The following BRI3BP variants were observed in gnomAD, a reference collection of about 807,000 sequenced individuals.
BRI3BP encodes BRI3-binding protein.
In BRI3BP, 7 loss-of-function variants were observed where a neutral mutation model predicts 15.8. The ratio of observed to expected loss-of-function variants is 0.44; its 90% confidence interval spans 0.25 to 0.83. BRI3BP has a LOEUF of 0.83. BRI3BP is among the 40% of genes least tolerant of loss of function. BRI3BP has a pLI of 0.20. For missense variants in BRI3BP, 320 were observed against 339.3 expected (o/e 0.94, Z 0.45); for synonymous variants, 192 against 163.5 (o/e 1.17, Z -1.33).
At chr12:125,012,883 G>A (rs188985299) in intron 2 of BRI3BP, among the ~76,000 whole-genome samples, 2 of 152,206 alleles carry the variant, frequency 1.3e-5, no homozygotes, top group African/African-American at 4.8e-5. Context: ...TTCAAGACCA[G>A]CCTGGGCAAC....
the BRI3BP span, among the ~76,000 whole-genome samples, chr12:125,049,775 C>T: frequency 6.6e-6 from 1 of 152,050 alleles, no homozygotes; most frequent in African/African-American, 2.4e-5. Flanking sequence ...CGATGTGGCC[C>T]AACTCTCTGC....
the BRI3BP span, among the ~76,000 whole-genome samples, chr12:125,036,472 T>C: frequency 1.3e-5 from 2 of 152,110 alleles, no homozygotes; most frequent in Non-Finnish European, 1.5e-5. Flanking sequence ...CTGCTCATCA[T>C]TGATTATATT....
intron 1 of BRI3BP, 60 bp downstream of exon 1, chr12:124,994,063 G>T: frequency 1.8e-6 from 2 of 1,118,946 alleles, no homozygotes; most frequent in Non-Finnish European, 2.2e-6. Flanking sequence ...CCTGGCTACC[G>T]GGGCCGACCT....
At chr12:125,002,705 C>T (rs930189338) in intron 1 of BRI3BP, among the ~76,000 whole-genome samples, 4 of 152,186 alleles carry the variant, frequency 2.6e-5, no homozygotes, top group Admixed American at 2.6e-4. Context: ...ATCCACTCAC[C>T]TTGGCCTCCC....
At chr12:125,013,273 A>G (rs1291908557) in intron 2 of BRI3BP, among the ~76,000 whole-genome samples, 2 of 152,188 alleles carry the variant, frequency 1.3e-5, no homozygotes, top group African/African-American at 4.8e-5. Flanking sequence ...AGGGGATTTC[A>G]TGAGACAGAG....
At chr12:125,005,315 A>C (rs1338468431) in intron 1 of BRI3BP, among the ~76,000 whole-genome samples, 1 of 152,102 alleles carries the variant, frequency 6.6e-6, no homozygotes, top group Admixed American at 6.6e-5. Flanking sequence ...TTTTAATTTT[A>C]ATGCCCCCAC....
rs1955337771 is a variant in BRI3BP, at chr12:125,025,031, C to T, written c.357C>T (p.Ser119=). ...LSQYFSPASV[S]SSPARALLLV... is the part of the protein sequence containing the mutation. ...AGTATTTCAGCCCAGCCTCGGTGTC[C>T]AGCAGCCCGGCCCGCGCGCTCCTGC... The change falls in exon 3 of 3, where the codon TCC becomes TCT. Residue 119 remains serine (S), a synonymous_variant. Transcript: ENST00000341446. The T allele has an allele frequency of 1.2e-6, 2 of 1,613,356 alleles. No homozygotes were observed. The highest frequency in any genetic ancestry group is 8.5e-7 in the Non-Finnish European group (1 of 1,179,996).
At chr12:125,013,959 C>A (rs1203886784) in intron 2 of BRI3BP, among the ~76,000 whole-genome samples, 1 of 152,172 alleles carries the variant, frequency 6.6e-6, no homozygotes, top group Non-Finnish European at 1.5e-5. Context: ...GCCTTACACT[C>A]CCCTTCCCAG....
At chr12:125,049,751 G>A in the BRI3BP span, among the ~76,000 whole-genome samples, 328 of 152,348 alleles carry the variant, frequency 2.2e-3, 3 homozygotes, top group African/African-American at 7.4e-3. Context: ...TCTTCCAGAC[G>A]CGGAGGCCTG....
At chr12:125,034,064 G>A (rs955647804), downstream of BRI3BP, among the ~76,000 whole-genome samples, 2 of 148,310 alleles carry the variant, frequency 1.3e-5, no homozygotes, top group African/African-American at 5.0e-5. Context: ...GTTTTGGTTT[G>A]AGGCGGAGTT....
intron 1 of BRI3BP, among the ~76,000 whole-genome samples, chr12:125,006,017 C>T (rs929610754): frequency 6.6e-6 from 1 of 152,130 alleles, no homozygotes; most frequent in African/African-American, 2.4e-5. Flanking sequence ...GATGGCCGCC[C>T]TCTCCCTGTG....
chr12:125,039,065 G>C, the BRI3BP span, among the ~76,000 whole-genome samples: 142 of 152,310 alleles, frequency 9.3e-4, 1 homozygote, highest in African/African-American at 3.1e-3. Flanking sequence ...ACTCCAGCCT[G>C]GGCGACAGAG....
At chr12:125,009,499 A>T (rs1287293344) in intron 1 of BRI3BP, among the ~76,000 whole-genome samples, 1 of 152,040 alleles carries the variant, frequency 6.6e-6, no homozygotes, top group Non-Finnish European at 1.5e-5. Context: ...CATGTTGGCC[A>T]GGCTGGTCTT....
At position 125,026,630 on chromosome 12, in the gene BRI3BP, C is replaced by G. The variant is rs1173063864; in HGVS notation, c.*1200C>G. The G allele has an allele frequency of 1.3e-5, 2 of 151,932 alleles. No homozygotes were observed. The highest frequency in any genetic ancestry group is 2.4e-5 in the African/African-American group (1 of 41,344). 9.4% of individuals were successfully genotyped at this position (151,932 alleles called of 1,614,324 possible). The stretch of plus-strand genomic sequence containing the variant: ...TGTGGCTCAGGGGCTGGTAGAAACC[C>G]CCTTTTGTTAGGACTTGTTTTTTAA... On this transcript the variant is annotated 3_prime_UTR_variant, in exon 3 of 3. Transcript: ENST00000341446.
downstream of BRI3BP, among the ~76,000 whole-genome samples, chr12:125,032,232 G>A (rs1434570068): frequency 6.6e-6 from 1 of 151,718 alleles, no homozygotes. Context: ...GGAGGCCGAG[G>A]CGGGCGGATC....
intron 2 of BRI3BP, among the ~76,000 whole-genome samples, chr12:125,018,733 G>T (rs1206824960): frequency 6.7e-6 from 1 of 149,252 alleles, no homozygotes; most frequent in Admixed American, 6.7e-5. Context: ...AGGCTGAAGT[G>T]CAGTGGCGCT....
At position 124,993,727 on chromosome 12, in the gene BRI3BP, G is replaced by T. The variant is rs1257796342; in HGVS notation, c.-64G>T. The T allele has an allele frequency of 1.8e-5, 17 of 921,832 alleles. No individual in the cohort carries two copies. Among genetic ancestry groups the T allele is most frequent in the South Asian group, 9.6e-5 (2 of 20,910 alleles). 57.1% of individuals were successfully genotyped at this position (921,832 alleles called of 1,614,324 possible). On this transcript the variant is annotated 5_prime_UTR_variant, in exon 1 of 3. Transcript: ENST00000341446. ...GCGCGCCAACCTTGCCCTAGCCGGA[G>T]CCCGCTGCGGCCCAGCGCACGGCCC...
At chr12:125,048,065 A>G in the BRI3BP span, among the ~76,000 whole-genome samples, 1 of 151,330 alleles carries the variant, frequency 6.6e-6, no homozygotes, top group South Asian at 2.1e-4. Context: ...CTCTCTTTAA[A>G]CTTCTGAGTT....
At chr12:125,050,856 T>C in the BRI3BP span, among the ~76,000 whole-genome samples, 1 of 151,860 alleles carries the variant, frequency 6.6e-6, no homozygotes, top group Non-Finnish European at 1.5e-5. Flanking sequence ...GTAAGGGACA[T>C]TTGTGTGTGC....
Sources: allele counts gnomAD v4.1 joint callset (sites outside exome capture counted in the v4.1 genomes callset), GRCh38; gene constraint gnomAD v4.1.1; transcripts MANE v1.5; gene names NCBI Gene and HGNC (gene_info 2026-07-23, HGNC 2026-07-21).